DYNC2H1: variants seen among roughly 807,000 people sequenced by gnomAD.
The protein encoded by DYNC2H1 is dynein cytoplasmic 2 heavy chain 1, also known as cytoplasmic dynein 2 heavy chain 1.
Under a neutral mutation model 570.0 loss-of-function variants are expected in DYNC2H1, and 410 were observed. The observed-to-expected ratio is 0.72, with a 90% confidence interval of 0.66 to 0.78. DYNC2H1 has a LOEUF of 0.78. Among genes scored for constraint, DYNC2H1 ranks in the 30% least tolerant of loss-of-function variants. DYNC2H1 has a pLI of 0.00. For synonymous variants in DYNC2H1, 1,688 were observed against 1,677.6 expected (o/e 1.01, Z -0.15); for missense variants, 4,865 against 5,046.4 (o/e 0.96, Z 1.09).
In DYNC2H1 at chr11:103,249,470, C is replaced by T. The variant is rs1484688375; in HGVS notation, c.10043-3815C>T. Among the ~76,000 whole-genome samples the T allele has an allele frequency of 6.6e-6, 1 of 151,922 alleles. No homozygotes were observed. Among genetic ancestry groups the T allele is most frequent in the African/African-American group, 2.4e-5 (1 of 41,410 alleles). ...AAACACCCAGATCAAGACATAAGAG[C>T]TTTATTAGCACTCCAGAAGCCCACT... On this transcript the variant is annotated intron_variant, in intron 65 of 88. Transcript: ENST00000375735. This position sits in a 1 kb window ranked among gnomAD's most constrained non-coding sequence, Gnocchi z 4.6.
At chr11:103,283,150 C>T (rs1350922514) in intron 73 of DYNC2H1, 65 bp downstream of exon 73, 24 of 1,276,988 alleles carry the variant, frequency 1.9e-5, no homozygotes, top group Non-Finnish European at 2.4e-5. Context: ...TCTGTTGATA[C>T]TTTGTGCTCC....
Position 103,334,036 on chromosome 11 carries a change from C to A in DYNC2H1, c.12039+10046C>A, listed in dbSNP as rs1262836506. 2.6e-5 allele frequency among the ~76,000 whole-genome samples: 4 copies of A among 152,170 alleles called. No individual in the cohort carries two copies. In the East Asian group the frequency reaches 5.8e-4, roughly 22 times the overall value. ...GATGGCACATTCTCTAGGCTAAGAA[C>A]ACTTGCAGCATGTTGCCTGGAAAGA... On this transcript the variant is annotated intron_variant, in intron 82 of 88. Coordinates refer to ENST00000375735, the MANE Select transcript of DYNC2H1 (RefSeq NM_001377.3). This position sits in a 1 kb window ranked among gnomAD's most constrained non-coding sequence, Gnocchi z 4.3.
chr11:103,176,874 T>A (rs1861840848), intron 37 of DYNC2H1, among the ~76,000 whole-genome samples: 1 of 151,908 alleles, frequency 6.6e-6, no homozygotes, highest in African/African-American at 2.4e-5. Flanking sequence ...CCTGGCTAAT[T>A]TTTATATTTT....
intron 73 of DYNC2H1, 72 bp from the exon 74 acceptor site, chr11:103,286,182 GT>G: frequency 4.5e-6 from 7 of 1,558,658 alleles, no homozygotes; most frequent in Non-Finnish European, 6.1e-6. Flanking sequence ...CTCACTTTTA[GT>G]TTTTTTAAAA....
chr11:103,248,207 C>T (rs918227821), intron 65 of DYNC2H1, among the ~76,000 whole-genome samples: 9 of 151,886 alleles, frequency 5.9e-5, no homozygotes, highest in African/African-American at 2.2e-4. Flanking sequence ...TTTAGATTTG[C>T]CTTTAATTAA....
intron 84 of DYNC2H1, among the ~76,000 whole-genome samples, chr11:103,425,510 C>G (rs1052065198): frequency 6.6e-6 from 1 of 152,018 alleles, no homozygotes; most frequent in African/African-American, 2.4e-5. Context: ...CCTTCACCCT[C>G]ATAACCTATT....
At chr11:103,303,342 A>G (rs1382485742) in intron 76 of DYNC2H1, 89 bp downstream of exon 76, 17 of 1,382,414 alleles carry the variant, frequency 1.2e-5, no homozygotes, top group Admixed American at 4.0e-5. Context: ...TTTTGTTGTG[A>G]TAAGCCAAAT....
chr11:103,291,479 C>T (rs1866598826), intron 75 of DYNC2H1, among the ~76,000 whole-genome samples: 1 of 150,432 alleles, frequency 6.6e-6, no homozygotes, highest in Admixed American at 6.7e-5. Flanking sequence ...TTTTAAAGTG[C>T]ATTTTGGTAG....
At chr11:103,139,385 A>G (rs1163115462) in intron 17 of DYNC2H1, among the ~76,000 whole-genome samples, 4 of 151,572 alleles carry the variant, frequency 2.6e-5, no homozygotes, top group Non-Finnish European at 5.9e-5. Context: ...ACTGCTTTGA[A>G]TGTGTCCCAG....
chr11:103,232,899 GT>G (rs5794216), intron 60 of DYNC2H1, among the ~76,000 whole-genome samples: 141,781 of 152,064 alleles, frequency 0.93, 66,132 homozygotes, highest in African/African-American at 0.94. Flanking sequence ...TGTGCTCTGT[GT>G]TTATCCAGTA....
intron 83 of DYNC2H1, among the ~76,000 whole-genome samples, chr11:103,381,387 A>T (rs998310493): frequency 6.6e-6 from 1 of 152,196 alleles, no homozygotes; most frequent in Non-Finnish European, 1.5e-5. Context: ...GCCTGGCATA[A>T]CAAGCACTAG....
At chr11:103,143,719 C>T (rs978180123) in intron 18 of DYNC2H1, among the ~76,000 whole-genome samples, 1 of 152,046 alleles carries the variant, frequency 6.6e-6, no homozygotes, top group Admixed American at 6.6e-5. Flanking sequence ...GCATACTAGA[C>T]AATATAAAGC....
intron 1 of DYNC2H1, among the ~76,000 whole-genome samples, chr11:103,112,708 A>G (rs977591685): frequency 4.6e-5 from 7 of 152,200 alleles, no homozygotes; most frequent in African/African-American, 1.2e-4. Context: ...CATGAGACCC[A>G]TAGCTGTTCT....
chr11:103,194,433 C>T (rs1862437104), intron 47 of DYNC2H1, among the ~76,000 whole-genome samples: 1 of 152,134 alleles, frequency 6.6e-6, no homozygotes, highest in Non-Finnish European at 1.5e-5. Flanking sequence ...AATAAATGCT[C>T]AGGAATGCAA....
intron 40 of DYNC2H1, among the ~76,000 whole-genome samples, chr11:103,183,511 G>C (rs999520488): frequency 1.3e-5 from 2 of 151,832 alleles, no homozygotes; most frequent in East Asian, 3.9e-4. Flanking sequence ...ATGTGTTAAG[G>C]GTTCTTTTCT....
intron 82 of DYNC2H1, among the ~76,000 whole-genome samples, chr11:103,332,722 C>G (rs894602666): frequency 6.6e-6 from 1 of 152,208 alleles, no homozygotes; most frequent in Non-Finnish European, 1.5e-5. Flanking sequence ...TCTTTCTCGG[C>G]TGGGCACAGT....
intron 1 of DYNC2H1, among the ~76,000 whole-genome samples, chr11:103,112,265 G>A (rs1436945898): frequency 1.3e-5 from 2 of 152,186 alleles, no homozygotes; most frequent in South Asian, 4.1e-4. Flanking sequence ...TTTATGGTAT[G>A]AAGGAACATT....
intron 40 of DYNC2H1, among the ~76,000 whole-genome samples, chr11:103,182,519 G>T (rs1861895299): frequency 6.6e-6 from 1 of 151,620 alleles, no homozygotes; most frequent in African/African-American, 2.4e-5. Context: ...CCTTGAGAAG[G>T]GTTTATCTAA....
intron 63 of DYNC2H1, among the ~76,000 whole-genome samples, chr11:103,238,581 A>G (rs1864309048): frequency 2.3e-5 from 1 of 43,998 alleles, no homozygotes; most frequent in Non-Finnish European, 6.8e-5. Flanking sequence ...ACACACACAC[A>G]TACACACACA....
Sources: allele counts gnomAD v4.1 joint callset (sites outside exome capture counted in the v4.1 genomes callset), GRCh38; gene constraint gnomAD v4.1.1; non-coding constraint Gnocchi (gnomAD v3.1); transcripts MANE v1.5; gene names NCBI Gene and HGNC (gene_info 2026-07-23, HGNC 2026-07-21).